GOLGA5: variants seen among roughly 807,000 people sequenced by gnomAD.
GOLGA5 encodes golgin subfamily A member 5.
GOLGA5 carries 50 observed loss-of-function variants against 93.5 expected under a neutral mutation model. That is an observed-to-expected ratio of 0.53 (90% CI 0.43 to 0.68). GOLGA5 has a LOEUF of 0.68. GOLGA5 is among the 30% of genes least tolerant of loss of function. The pLI is 0.00. For missense variants in GOLGA5, 760 were observed against 856.4 expected (o/e 0.89, Z 1.40); for synonymous variants, 312 against 304.5 (o/e 1.02, Z -0.26).
chr14:92,806,843 G>T lies in GOLGA5; in HGVS notation c.652G>T (p.Asp218Tyr). ...CPDHTPTPND[D>Y]GKSHELSNLR... ...TGACCACACCCCAACACCTAATGAT[G>T]ATGGCAAATCACATGAACTGTCTAA... The change falls in exon 3 of 13, where the codon GAT becomes TAT. Residue 218 changes from aspartate to tyrosine, a missense_variant. Physicochemically the swap from Asp to Tyr is radical, Grantham distance 160. Coordinates refer to ENST00000163416, the MANE Select transcript of GOLGA5 (RefSeq NM_005113.4). The T allele has an allele frequency of 1.9e-6, 3 of 1,613,536 alleles. No homozygotes were observed. The highest frequency in any genetic ancestry group is 2.5e-6 in the Non-Finnish European group (3 of 1,179,494).
At chr14:92,824,747 CT>C in intron 9 of GOLGA5, 103 bp downstream of exon 9, 1 of 633,058 alleles carries the variant, frequency 1.6e-6, no homozygotes, top group Non-Finnish European at 2.8e-6. Flanking sequence ...CACCTGAGTT[CT>C]TTTGTAACAG....
chr14:92,823,357 A>G (rs1295497887), intron 8 of GOLGA5, among the ~76,000 whole-genome samples: 1 of 150,716 alleles, frequency 6.6e-6, no homozygotes, highest in Non-Finnish European at 1.5e-5. Flanking sequence ...CTGAGATTTT[A>G]TATGTTTTAA....
chr14:92,811,479 C>T (rs1481335437), intron 5 of GOLGA5, 72 bp from the exon 6 acceptor site: 19 of 1,048,396 alleles, frequency 1.8e-5, no homozygotes, highest in Admixed American at 7.3e-5. Flanking sequence ...ATAAGATATC[C>T]GAATGGATGG....
intron 1 of GOLGA5, among the ~76,000 whole-genome samples, chr14:92,797,009 T>C (rs1336896266): frequency 2.7e-5 from 4 of 148,330 alleles, no homozygotes; most frequent in Admixed American, 6.7e-5. Context: ...GATTTGCCCT[T>C]CTTTGAAATA....
intron 2 of GOLGA5, among the ~76,000 whole-genome samples, chr14:92,805,080 A>C (rs1884956142): frequency 2.0e-5 from 3 of 152,202 alleles, no homozygotes; most frequent in Admixed American, 6.5e-5. Context: ...CTATATGACG[A>C]ATGGCAATAC....
intron 9 of GOLGA5, among the ~76,000 whole-genome samples, chr14:92,828,116 A>G (rs1402673749): frequency 2.0e-5 from 3 of 152,242 alleles, no homozygotes; most frequent in African/African-American, 7.2e-5. Flanking sequence ...GCACTAAACA[A>G]CAGATTTTCA....
chr14:92,819,720 C>T lies in GOLGA5; in HGVS notation c.1504C>T (p.Gln502Ter). 2 of 1,613,662 alleles carry T rather than the reference C, an allele frequency of 1.2e-6. No homozygotes were observed. ...LRSELQDMEA[Q>*]QVNEAESARE... Reference sequence around the variant, plus strand: ...TTTTTCTCTTTAGGATATGGAGGCACAGCAAGTTAATGAAGCAGAATCAGC... The same window carrying T: ...TTTTTCTCTTTAGGATATGGAGGCATAGCAAGTTAATGAAGCAGAATCAGC... The change falls in exon 8 of 13, where the codon CAG (glutamine) becomes TAG (stop). Residue 502 changes from glutamine to a stop codon, truncating the protein, a stop_gained. Coordinates refer to ENST00000163416, the MANE Select transcript of GOLGA5 (RefSeq NM_005113.4). LOFTEE classifies it high-confidence loss of function.
At chr14:92,836,803 C>T (rs1457835108) in intron 11 of GOLGA5, among the ~76,000 whole-genome samples, 1 of 152,144 alleles carries the variant, frequency 6.6e-6, no homozygotes, top group African/African-American at 2.4e-5. Context: ...GTGGCTCACA[C>T]CTGTAATCCC....
At chr14:92,810,212 A>G in intron 4 of GOLGA5, 42 bp from the exon 5 acceptor site, 3 of 1,491,682 alleles carry the variant, frequency 2.0e-6, no homozygotes, top group South Asian at 2.4e-5. Context: ...TCACTTGTAC[A>G]CTGTAGACAT....
rs190524734 is a variant in GOLGA5, at chr14:92,795,409, G to A, written c.-31+953G>A. 5.4e-3 allele frequency among the ~76,000 whole-genome samples: 813 copies of A among 151,900 alleles called. 5 individuals carry two copies. Among genetic ancestry groups the A allele is most frequent in the African/African-American group, 0.019 (784 of 41,354 alleles). On this transcript the variant is annotated intron_variant, in intron 1 of 12. Coordinates refer to ENST00000163416, the MANE Select transcript of GOLGA5 (RefSeq NM_005113.4). Reference sequence around the variant, plus strand: ...TGAGCTGTATGGTATAGGGAGGCAAGGGTTAAAAGTAGGTTTGGCACTAGG... The same window carrying A: ...TGAGCTGTATGGTATAGGGAGGCAAAGGTTAAAAGTAGGTTTGGCACTAGG...
rs114386227 is a variant in GOLGA5, at chr14:92,798,118, G to A, written c.544+137G>A. ...AGGGCAGACTCTCTGCAAATGTGTGGTGTAAACAAGGGAGACATCATTGAC... is the reference window on the plus strand; with the variant it reads ...AGGGCAGACTCTCTGCAAATGTGTGATGTAAACAAGGGAGACATCATTGAC... On this transcript the variant is annotated intron_variant, in intron 2 of 12. Coordinates refer to ENST00000163416, the MANE Select transcript of GOLGA5 (RefSeq NM_005113.4). 8.4e-4 allele frequency: 550 copies of A among 655,038 alleles called. 3 individuals carry two copies. The African/African-American group carries it at 9.0e-3, about 11-fold the overall frequency. The allele number at this position is 655,038 out of a possible 1,614,324, so 40.6% of individuals were successfully genotyped here.
At chr14:92,829,084 C>T (rs558653607) in intron 9 of GOLGA5, among the ~76,000 whole-genome samples, 1 of 152,330 alleles carries the variant, frequency 6.6e-6, no homozygotes, top group Admixed American at 6.5e-5. Context: ...CCCACTTCAG[C>T]TTCCCAAGTG....
At chr14:92,824,729 C>T (rs377446037) in intron 9 of GOLGA5, 85 bp downstream of exon 9, 22 of 699,630 alleles carry the variant, frequency 3.1e-5, no homozygotes, top group Middle Eastern at 4.0e-4. Context: ...GAACTTTCCC[C>T]GTGTTTTCAC....
chr14:92,811,711 A>G lies in GOLGA5; in HGVS notation c.1277A>G (p.Gln426Arg). ...AAGTTGAACTTGGAGTCCTCTAAGC[A>G]GGAATTAATTGACTACAAGCAAAAA... Reference protein sequence around the residue: ...LYKLNLESSKQELIDYKQKAT... With the variant: ...LYKLNLESSKRELIDYKQKAT... The change falls in exon 6 of 13, where the codon CAG becomes CGG. Residue 426 changes from glutamine to arginine, a missense_variant. Coordinates refer to ENST00000163416, the MANE Select transcript of GOLGA5 (RefSeq NM_005113.4). The G allele has an allele frequency of 6.2e-7, 1 of 1,613,324 alleles. No homozygotes were observed.
rs150598212 is a variant in GOLGA5 at position 92,798,884 on chromosome 14, C to G, written c.544+903C>G. ...TGAGCCGAGATTGTACCACTACACT[C>G]CAGCCTGGGCCGTAGAATGAGACGC... On this transcript the variant is annotated intron_variant, in intron 2 of 12. Coordinates refer to ENST00000163416, the MANE Select transcript of GOLGA5 (RefSeq NM_005113.4). Among the ~76,000 whole-genome samples, 65 of 152,296 alleles carry G rather than the reference C, an allele frequency of 4.3e-4. 1 individual carries two copies. In the East Asian group the frequency reaches 0.012, roughly 28 times the overall value.
rs1156943339 is a variant in GOLGA5, at chr14:92,797,849, G to T, written c.412G>T (p.Val138Leu). Residue 138 changes from valine (V) to leucine (L), a missense_variant, in exon 2 of 13, where the codon GTG becomes TTG. By Grantham distance (32) the Val-to-Leu change is conservative (BLOSUM62 1). Transcript: ENST00000163416. ...NSSQKEPTGR[V>L]EIRKEKGKTP... ...TTCACAGAAGGAGCCTACCGGGAGG[G>T]TGGAAATCAGAAAGGAAAAAGGCAA... The T allele has an allele frequency of 1.2e-6, 2 of 1,614,038 alleles. No homozygotes were observed. The highest frequency in any genetic ancestry group is 2.2e-5 in the South Asian group (2 of 91,084).
intron 6 of GOLGA5, among the ~76,000 whole-genome samples, chr14:92,815,727 G>A (rs1336821060): frequency 1.4e-5 from 2 of 143,284 alleles, no homozygotes; most frequent in African/African-American, 2.6e-5. Flanking sequence ...TTTTTTAGAC[G>A]GAGTCTGGCT....
At chr14:92,813,319 C>T (rs773667080) in intron 6 of GOLGA5, among the ~76,000 whole-genome samples, 6 of 152,182 alleles carry the variant, frequency 3.9e-5, no homozygotes, top group Non-Finnish European at 8.8e-5. Flanking sequence ...AAACATTCAT[C>T]TTAGTGGAAA....
Position 92,839,942 on chromosome 14 carries a change from T to C in GOLGA5, c.*496T>C, listed in dbSNP as rs1595608532. On this transcript the variant is annotated 3_prime_UTR_variant, in exon 13 of 13. Transcript: ENST00000163416. ...TATAAATACATAAATAAAAGAAAAATATGCATTTTTCTTTTCTAAAATAAT... is the reference window on the plus strand; with the variant it reads ...TATAAATACATAAATAAAAGAAAAACATGCATTTTTCTTTTCTAAAATAAT... 2 of 166,842 alleles carry C rather than the reference T, an allele frequency of 1.2e-5. No individual in the cohort carries two copies. The highest frequency in any genetic ancestry group is 2.6e-5 in the Non-Finnish European group (2 of 76,738). The allele number at this position is 166,842 out of a possible 1,614,324, so 10.3% of individuals were successfully genotyped here.
Sources: gnomAD v4.1 joint callset for allele counts (sites outside exome capture counted in the v4.1 genomes callset) on GRCh38, gnomAD v4.1.1 for gene constraint, MANE v1.5 for transcripts, NCBI Gene and HGNC (gene_info 2026-07-23, HGNC 2026-07-21) for gene names.